DUXB: variants seen among roughly 807,000 people sequenced by gnomAD.
The protein encoded by DUXB is double homeobox B, also known as double homeobox protein B.
In DUXB, 22 loss-of-function variants were observed where a neutral mutation model predicts 8.9. That is an observed-to-expected ratio of 2.46 (90% confidence interval 1.76 to 3.52). The LOEUF (loss-of-function observed/expected upper bound fraction) is 3.52. Among genes scored for constraint, DUXB ranks in the 30% most tolerant of loss-of-function variants. The pLI, the probability that DUXB is intolerant of heterozygous loss-of-function variation, is 0.00. For missense variants in DUXB, 237 were observed against 108.7 expected (o/e 2.18, Z -5.25); for synonymous variants, 84 against 37.6 (o/e 2.23, Z -4.52).
chr16:75,696,216 C>T (rs1168969158), intron 3 of DUXB, 101 bp from the exon 4 acceptor site: 28 of 644,418 alleles, frequency 4.3e-5, no homozygotes, highest in Non-Finnish European at 6.1e-5. Context: ...TCTGAATCCC[C>T]GAGGTGGCAG....
At chr16:75,696,697 C>T (rs1262074940) in intron 3 of DUXB, 141 bp downstream of exon 3, 3 of 582,324 alleles carry the variant, frequency 5.2e-6, no homozygotes, top group Non-Finnish European at 6.1e-6. Context: ...CTTACTTTCA[C>T]CTAAAAAAAA....
rs539132982 is a variant in DUXB, at chr16:75,694,200, G to A, written c.767C>T (p.Pro256Leu). ...GEKSDQPLII[P>L]NHLLTLPILT... ...AATTGGCAGTGTCAGGAGGTGATTC[G>A]GAATTATCAGAGGCTGATCAGACTT... The change falls in exon 5 of 5, where the codon CCG (proline) becomes CTG (leucine). Residue 256 changes from proline to leucine, a missense_variant. Physicochemically the swap from Pro to Leu is moderately conservative, Grantham distance 98 (BLOSUM62 -3). Transcript: ENST00000633875. 2.6e-5 allele frequency: 13 copies of A among 494,682 alleles called. No individual in the cohort carries two copies. Among genetic ancestry groups the A allele is most frequent in the Admixed American group, 1.1e-4 (3 of 26,242 alleles). The allele number at this position is 494,682 out of a possible 1,614,324, so 30.6% of individuals were successfully genotyped here.
chr16:75,694,203 A>C lies in DUXB; in HGVS notation c.764T>G (p.Ile255Ser). 1 of 497,780 alleles carries C rather than the reference A, an allele frequency of 2.0e-6. No individual in the cohort carries two copies. Among genetic ancestry groups the C allele is most frequent in the Non-Finnish European group, 3.5e-6 (1 of 286,054 alleles). 30.8% of individuals were successfully genotyped at this position (497,780 alleles called of 1,614,324 possible). A position where few individuals can be genotyped will look rare whatever the true frequency, so the allele number is the denominator to read the frequency against. The stretch of plus-strand genomic sequence containing the variant: ...TGGCAGTGTCAGGAGGTGATTCGGA[A>C]TTATCAGAGGCTGATCAGACTTCTC... ...EGEKSDQPLIIPNHLLTLPIL... is the reference protein window; with the variant it reads ...EGEKSDQPLISPNHLLTLPIL... Residue 255 changes from isoleucine (I) to serine (S), a missense_variant, in exon 5 of 5, where the codon ATT becomes AGT. Physicochemically the swap from Ile to Ser is moderately radical, Grantham distance 142. Transcript: ENST00000633875.
intron 1 of DUXB, among the ~76,000 whole-genome samples, chr16:75,700,744 T>A (rs1959205688): frequency 6.6e-6 from 1 of 152,100 alleles, no homozygotes; most frequent in Non-Finnish European, 1.5e-5. Context: ...CCTGACCTCG[T>A]GATCTGCCCA....
chr16:75,694,956 T>C (rs2082593418), intron 4 of DUXB, among the ~76,000 whole-genome samples: 1 of 152,244 alleles, frequency 6.6e-6, no homozygotes, highest in South Asian at 2.1e-4. Flanking sequence ...CCCTCATGGA[T>C]ACTGAGGGAT....
intron 1 of DUXB, 168 bp from the exon 2 acceptor site, chr16:75,700,337 G>A (rs1473074539): frequency 2.6e-5 from 13 of 496,352 alleles, no homozygotes; most frequent in South Asian, 1.8e-4. Context: ...GGGTTCAAGC[G>A]ATTCTTAAGC....
At chr16:75,696,274 G>A (rs1381456545) in intron 3 of DUXB, among the ~76,000 whole-genome samples, 159 bp from the exon 4 acceptor site, 1 of 152,252 alleles carries the variant, frequency 6.6e-6, no homozygotes, top group Non-Finnish European at 1.5e-5. Context: ...GAGCTAGGCT[G>A]GGCCCAGTGG....
chr16:75,700,597 A>C (rs1246653317), intron 1 of DUXB, among the ~76,000 whole-genome samples: 1 of 151,932 alleles, frequency 6.6e-6, no homozygotes. Context: ...AGCTCACTGC[A>C]AGCTCTGCCT....
chr16:75,693,911 T>C lies in DUXB; in HGVS notation c.*18A>G, dbSNP rs2151831279. On this transcript the variant is annotated 3_prime_UTR_variant, in exon 5 of 5. Transcript: ENST00000633875. The stretch of plus-strand genomic sequence containing the variant: ...ATGTTTCTCAGCTGAGTGTGCCTAC[T>C]GCTGCCACAAGTCTGTCTCAGTGTG... 2.5e-6 allele frequency: 1 copy of C among 399,088 alleles called. No individual in the cohort carries two copies. 24.7% of individuals were successfully genotyped at this position (399,088 alleles called of 1,614,324 possible). A position where few individuals can be genotyped will look rare whatever the true frequency, so the allele number is the denominator to read the frequency against.
In DUXB at chr16:75,694,094, G is replaced by A. The variant is rs2082583516; in HGVS notation, c.873C>T (p.Gly291=). ...GGCTCTTGACCTGTGGTACTCCCGA[G>A]CCAGAGTGTTCTTTGTGATTTTGGT... ...EEHQNHKEHS[G]SGVPQVKSHS... Residue 291 remains glycine (G), a synonymous_variant, in exon 5 of 5, where the codon GGC becomes GGT. Coordinates refer to ENST00000633875, the MANE Select transcript of DUXB (RefSeq NM_001351307.2). 1.7e-5 allele frequency: 7 copies of A among 420,734 alleles called. No homozygotes were observed. In the Admixed American group the frequency reaches 1.7e-4, roughly 10 times the overall value. The allele number at this position is 420,734 out of a possible 1,614,324, so 26.1% of individuals were successfully genotyped here.
intron 2 of DUXB, among the ~76,000 whole-genome samples, chr16:75,699,563 C>CT (rs1317094267): frequency 0.018 from 2,624 of 142,966 alleles, 43 homozygotes; most frequent in South Asian, 0.045. Flanking sequence ...CTTTTCTTTT[C>CT]TTTTTTTTTT....
chr16:75,696,016 A>G lies in DUXB; in HGVS notation c.386T>C (p.Ile129Thr), dbSNP rs984627462. The change falls in exon 4 of 5, where the codon ATT (isoleucine) becomes ACT (threonine). Residue 129 changes from isoleucine (I) to threonine (T), a missense_variant. Physicochemically the swap from Ile to Thr is moderately conservative, Grantham distance 89. Coordinates refer to ENST00000633875, the MANE Select transcript of DUXB (RefSeq NM_001351307.2). The stretch of plus-strand genomic sequence containing the variant: ...TTCAGCCAGTTTTTTTCTGGTAGCA[A>G]TATCAGGGAATGGGTTCCTCTCAAA... ...QAFERNPFPDIATRKKLAEQT... is the reference protein window; with the variant it reads ...QAFERNPFPDTATRKKLAEQT... The G allele has an allele frequency of 5.7e-6, 4 of 702,832 alleles. No individual in the cohort carries two copies. Among genetic ancestry groups the G allele is most frequent in the East Asian group, 5.4e-5 (2 of 37,298 alleles). The allele number at this position is 702,832 out of a possible 1,614,324, so 43.5% of individuals were successfully genotyped here. A position where few individuals can be genotyped will look rare whatever the true frequency, so the allele number is the denominator to read the frequency against.
chr16:75,695,671 C>G (rs762772951), intron 4 of DUXB, among the ~76,000 whole-genome samples: 11 of 152,106 alleles, frequency 7.2e-5, no homozygotes, highest in African/African-American at 1.2e-4. Flanking sequence ...TGGCCCCTCA[C>G]AAGAAAGAAT....
rs972981459 is a variant in DUXB, at chr16:75,694,440, C to A, written c.527G>T (p.Arg176Ile). 4.3e-6 allele frequency: 3 copies of A among 702,474 alleles called. No homozygotes were observed. The highest frequency in any genetic ancestry group is 7.8e-6 in the Non-Finnish European group (3 of 384,824). 43.5% of individuals were successfully genotyped at this position (702,474 alleles called of 1,614,324 possible). Residue 176 changes from arginine to isoleucine, a missense_variant, in exon 5 of 5, where the codon AGA (arginine) becomes ATA (isoleucine). Coordinates refer to ENST00000633875, the MANE Select transcript of DUXB (RefSeq NM_001351307.2). ...MNLLVDDPNE[R>I]PDATVGWHPI... ...ATGCCACCCAACAGTTGCATCTGGT[C>A]TCTCATTTGGGTCGTCTACCAATAA...
At chr16:75,696,209 G>A in intron 3 of DUXB, 94 bp from the exon 4 acceptor site, 1 of 652,506 alleles carries the variant, frequency 1.5e-6, no homozygotes, top group Non-Finnish European at 2.7e-6. Flanking sequence ...TGTTCTCTCT[G>A]AATCCCCGAG....
chr16:75,701,236 C>G (rs560301201), intron 1 of DUXB, among the ~76,000 whole-genome samples, 158 bp downstream of exon 1: 69 of 152,332 alleles, frequency 4.5e-4, no homozygotes, highest in African/African-American at 1.4e-3. Flanking sequence ...TCAAAGCACC[C>G]ATGGCTGTTC....
At chr16:75,699,599 T>TTA (rs1959199678) in intron 2 of DUXB, among the ~76,000 whole-genome samples, 1 of 151,806 alleles carries the variant, frequency 6.6e-6, no homozygotes. Context: ...TCGCTTTGTC[T>TTA]TCCATCCTGG....
chr16:75,695,890 T>G, intron 4 of DUXB, 71 bp downstream of exon 4: 1 of 678,680 alleles, frequency 1.5e-6, no homozygotes, highest in Non-Finnish European at 2.7e-6. Context: ...CAGCTGTAAG[T>G]TTTTCAATAA....
At chr16:75,699,983 G>T in intron 2 of DUXB, 32 bp downstream of exon 2, 1 of 676,316 alleles carries the variant, frequency 1.5e-6, no homozygotes, top group South Asian at 1.6e-5. Flanking sequence ...CCATGGTTCT[G>T]ACAGGTAATG....
Sources: allele counts gnomAD v4.1 joint callset (sites outside exome capture counted in the v4.1 genomes callset), GRCh38; gene constraint gnomAD v4.1.1; transcripts MANE v1.5; gene names NCBI Gene and HGNC (gene_info 2026-07-23, HGNC 2026-07-21).